Variants in THSD7A observed in about 807,000 individuals in gnomAD.
THSD7A encodes thrombospondin type-1 domain-containing protein 7A.
Under a neutral mutation model 231.3 loss-of-function variants are expected in THSD7A, and 96 were observed. That is an observed-to-expected ratio of 0.41 (90% confidence interval 0.35 to 0.49). The LOEUF (loss-of-function observed/expected upper bound fraction) is 0.49, where lower values mean the gene tolerates loss of function less well. Among genes scored for constraint, THSD7A ranks in the 20% least tolerant of loss-of-function variants. The pLI, the probability that THSD7A is intolerant of heterozygous loss-of-function variation, is 0.05. For synonymous variants in THSD7A, 940 were observed against 743.3 expected (o/e 1.26, Z -4.30); for missense variants, 2,290 against 2,070.2 (o/e 1.11, Z -2.06).
At chr7:11,758,056 A>G (rs1433776589) in intron 1 of THSD7A, among the ~76,000 whole-genome samples, 1 of 148,670 alleles carries the variant, frequency 6.7e-6, no homozygotes, top group African/African-American at 2.4e-5. Context: ...CACTTTAATC[A>G]TCACAAAGCC....
chr7:11,550,978 G>A (rs989796313), intron 4 of THSD7A, among the ~76,000 whole-genome samples: 25 of 151,992 alleles, frequency 1.6e-4, no homozygotes, highest in Non-Finnish European at 2.6e-4. Context: ...AAAACAGCAC[G>A]GTACTGATTC....
intron 6 of THSD7A, among the ~76,000 whole-genome samples, chr7:11,488,224 TC>T (rs1343764927): frequency 6.6e-6 from 1 of 152,166 alleles, no homozygotes; most frequent in African/African-American, 2.4e-5. Flanking sequence ...TGTTTTGTGT[TC>T]TTCAGAAATT....
chr7:11,398,186 C>G (rs969935150), intron 23 of THSD7A, among the ~76,000 whole-genome samples: 4 of 148,800 alleles, frequency 2.7e-5, no homozygotes, highest in African/African-American at 1.0e-4. Context: ...CACGTATACA[C>G]CATGGAATAG....
chr7:11,769,154 T>TA (rs1554275711), intron 1 of THSD7A, among the ~76,000 whole-genome samples: 729 of 29,224 alleles, frequency 0.025, 9 homozygotes, highest in Non-Finnish European at 0.045. Context: ...TATATATATA[T>TA]TTTTTTTTTT....
intron 13 of THSD7A, among the ~76,000 whole-genome samples, chr7:11,430,187 C>G (rs868575964): frequency 3.3e-5 from 5 of 152,292 alleles, no homozygotes; most frequent in Middle Eastern, 3.4e-3. Flanking sequence ...CTAGGCAACT[C>G]TAGGTAGATT....
chr7:11,470,481 T>C (rs1381106985), intron 8 of THSD7A, among the ~76,000 whole-genome samples: 15 of 151,926 alleles, frequency 9.9e-5, no homozygotes, highest in Admixed American at 9.2e-4. Flanking sequence ...GAGTATGTTC[T>C]TTACACAGTA....
intron 4 of THSD7A, among the ~76,000 whole-genome samples, chr7:11,548,300 T>G (rs550223762): frequency 2.9e-4 from 44 of 152,004 alleles, no homozygotes; most frequent in Non-Finnish European, 5.2e-4. Flanking sequence ...CTCCAAAAAT[T>G]GAACCAGGAA....
Position 11,447,302 on chromosome 7 carries a change from T to C in THSD7A, c.2728A>G (p.Thr910Ala), listed in dbSNP as rs1785002143. The C allele has an allele frequency of 4.3e-6, 7 of 1,613,058 alleles. No homozygotes were observed. In the South Asian group the frequency reaches 7.7e-5, roughly 18 times the overall value. ...CATGAAGAAAACTTGGACCAGCTGG[T>C]CAATTGACAGTCATCCTGGCAGGGG... Reference protein sequence around the residue: ...QIPCQDDCQLTSWSKFSSCNG... With the variant: ...QIPCQDDCQLASWSKFSSCNG... The change falls in exon 12 of 28, where the codon ACC (threonine) becomes GCC (alanine). Residue 910 changes from threonine (T) to alanine (A), a missense_variant. Coordinates refer to ENST00000423059, the MANE Select transcript of THSD7A (RefSeq NM_015204.3).
chr7:11,424,051 T>C (rs994373425), intron 16 of THSD7A, among the ~76,000 whole-genome samples: 35 of 152,184 alleles, frequency 2.3e-4, no homozygotes, highest in Non-Finnish European at 5.0e-4. Context: ...CCCTGTCCAA[T>C]GGAACTTTCT....
At chr7:11,695,268 T>C (rs958082839) in intron 1 of THSD7A, among the ~76,000 whole-genome samples, 1 of 151,534 alleles carries the variant, frequency 6.6e-6, no homozygotes, top group African/African-American at 2.4e-5. Flanking sequence ...AGTTAGGATA[T>C]CGAGAGTCTA....
At chr7:11,713,313 G>C (rs373167751) in intron 1 of THSD7A, among the ~76,000 whole-genome samples, 1 of 151,164 alleles carries the variant, frequency 6.6e-6, no homozygotes, top group Non-Finnish European at 1.5e-5. Flanking sequence ...ACTTTACAAG[G>C]TTTATGTTTA....
At chr7:11,563,169 A>T (rs930567165) in intron 4 of THSD7A, among the ~76,000 whole-genome samples, 2 of 150,456 alleles carry the variant, frequency 1.3e-5, no homozygotes, top group African/African-American at 4.9e-5. Flanking sequence ...CCTGGTTAAT[A>T]TAATGGTGAC....
At chr7:11,679,679 G>C (rs1045639955) in intron 1 of THSD7A, among the ~76,000 whole-genome samples, 2 of 151,880 alleles carry the variant, frequency 1.3e-5, no homozygotes, top group Non-Finnish European at 2.9e-5. Flanking sequence ...CAAAGCACTG[G>C]TCAAGGAAAT....
At chr7:11,773,702 G>C (rs1357282537) in intron 1 of THSD7A, among the ~76,000 whole-genome samples, 1 of 151,130 alleles carries the variant, frequency 6.6e-6, no homozygotes, top group Non-Finnish European at 1.5e-5. Flanking sequence ...ATATTTGTGG[G>C]GTACATTTTT....
intron 1 of THSD7A, among the ~76,000 whole-genome samples, chr7:11,714,936 A>T (rs952810441): frequency 6.6e-6 from 1 of 151,414 alleles, no homozygotes; most frequent in Non-Finnish European, 1.5e-5. Flanking sequence ...AATAAAAAAG[A>T]AGGCACAGGA....
At chr7:11,747,801 A>G (rs1782360541) in intron 1 of THSD7A, among the ~76,000 whole-genome samples, 1 of 151,934 alleles carries the variant, frequency 6.6e-6, no homozygotes, top group Admixed American at 6.6e-5. Flanking sequence ...AGTAATATTT[A>G]CTTTGAGCCT....
intron 7 of THSD7A, among the ~76,000 whole-genome samples, chr7:11,476,820 A>C (rs1164211424): frequency 8.4e-6 from 1 of 118,660 alleles, no homozygotes; most frequent in Non-Finnish European, 1.8e-5. Context: ...GTCTCAGAGA[A>C]AAAAAAAAAA....
Position 11,481,980 on chromosome 7 carries a change from C to T in THSD7A, c.1825G>A (p.Glu609Lys). 6.3e-7 allele frequency: 1 copy of T among 1,590,080 alleles called. No individual in the cohort carries two copies. Among genetic ancestry groups the T allele is most frequent in the South Asian group, 1.1e-5 (1 of 87,740 alleles). Reference protein sequence around the residue: ...QEVVCINSDGEEVDRQLCRDA... With the variant: ...QEVVCINSDGKEVDRQLCRDA... ...CTGCACAGCTGTCTGTCAACTTCTT[C>T]TCCTGGGGAAAACATGACCACCAAC... Residue 609 changes from glutamate (E) to lysine (K), a missense_variant and splice_region_variant, in exon 7 of 28, where the codon GAA becomes AAA. Transcript: ENST00000423059.
Position 11,713,730 on chromosome 7 carries a change from T to A in THSD7A, c.191-76769A>T, listed in dbSNP as rs144055701. Among the ~76,000 whole-genome samples, 19 of 151,310 alleles carry A rather than the reference T, an allele frequency of 1.3e-4. No homozygotes were observed. The East Asian group carries it at 1.6e-3, about 13-fold the overall frequency. ...TTGTAGAGCCCATTGTGTCTCAGTC[T>A]TCTGGCAAACTTCTGTAAATAAACA... On this transcript the variant is annotated intron_variant, in intron 1 of 27. Transcript: ENST00000423059.
Sources: gnomAD v4.1 joint callset for allele counts (sites outside exome capture counted in the v4.1 genomes callset) on GRCh38, gnomAD v4.1.1 for gene constraint, MANE v1.5 for transcripts, NCBI Gene and HGNC (gene_info 2026-07-23, HGNC 2026-07-21) for gene names.